FMN1: variants seen among roughly 807,000 people sequenced by gnomAD.
FMN1 encodes formin-1.
In FMN1, 110 loss-of-function variants were observed where a neutral mutation model predicts 132.4. The ratio of observed to expected loss-of-function variants is 0.83; its 90% CI spans 0.71 to 0.97. The LOEUF is 0.97. Among genes scored for constraint, FMN1 ranks in the 50% least tolerant of loss-of-function variants. FMN1 has a pLI of 0.00. For missense variants in FMN1, 1,792 were observed against 1,705.3 expected (o/e 1.05, Z -0.90); for synonymous variants, 722 against 651.7 (o/e 1.11, Z -1.64).
At chr15:33,191,077 G>A (rs1966061312) in intron 2 of FMN1, among the ~76,000 whole-genome samples, 1 of 152,090 alleles carries the variant, frequency 6.6e-6, no homozygotes, top group Non-Finnish European at 1.5e-5. Flanking sequence ...GGCTGAAGCA[G>A]GAGAATGGCG....
intron 16 of FMN1, among the ~76,000 whole-genome samples, chr15:32,882,033 A>C (rs1258366474): frequency 6.6e-6 from 1 of 152,160 alleles, no homozygotes; most frequent in Non-Finnish European, 1.5e-5. Flanking sequence ...GGAGTCAGAG[A>C]AACTGAAAAA....
chr15:32,975,100 C>T (rs946373461), intron 7 of FMN1, among the ~76,000 whole-genome samples: 1 of 152,158 alleles, frequency 6.6e-6, no homozygotes, highest in African/African-American at 2.4e-5. Context: ...TATCCATTTT[C>T]GCCTGGTGAA....
At chr15:32,937,615 G>T (rs566385418) in intron 9 of FMN1, among the ~76,000 whole-genome samples, 2 of 152,190 alleles carry the variant, frequency 1.3e-5, no homozygotes. Flanking sequence ...CATGGATAGA[G>T]AGAGAAGACA....
At chr15:33,048,683 C>CTGAGA (rs1175315882) in intron 6 of FMN1, among the ~76,000 whole-genome samples, 1 of 96,244 alleles carries the variant, frequency 1.0e-5, no homozygotes, top group Non-Finnish European at 2.3e-5. Context: ...TTCCACATGG[C>CTGAGA]TGAGAAGGCC....
At chr15:32,819,763 C>T (rs2058160010) in intron 17 of FMN1, among the ~76,000 whole-genome samples, 1 of 151,928 alleles carries the variant, frequency 6.6e-6, no homozygotes, top group African/African-American at 2.4e-5. Context: ...GAAAAAAAAC[C>T]ACTTCTCATT....
intron 4 of FMN1, among the ~76,000 whole-genome samples, chr15:33,098,315 C>G (rs540963359): frequency 2.8e-4 from 43 of 152,310 alleles, no homozygotes; most frequent in Non-Finnish European, 5.3e-4. Context: ...TCAGGCATAA[C>G]TGATGCATGA....
rs567570193 is a variant in FMN1 at position 32,977,362 on chromosome 15, A to G, written c.2224-7885T>C. On this transcript the variant is annotated intron_variant, in intron 7 of 20. Coordinates refer to ENST00000616417, the MANE Select transcript of FMN1 (RefSeq NM_001277313.2). ...TCAGTATGCCAATACACAAAAAAAG[A>G]TACTTTCTAGTCACAGATGCTTTCC... Among the ~76,000 whole-genome samples, 110 of 152,344 alleles carry G rather than the reference A, an allele frequency of 7.2e-4. 1 individual carries two copies. The highest frequency in any genetic ancestry group is 2.6e-3 in the African/African-American group (109 of 41,572).
At chr15:33,129,959 AT>A (rs1164401299) in intron 4 of FMN1, among the ~76,000 whole-genome samples, 1 of 151,690 alleles carries the variant, frequency 6.6e-6, no homozygotes, top group East Asian at 1.9e-4. Context: ...TGCCCAGCCA[AT>A]TTTTTTTGTA....
At chr15:32,817,243 G>A (rs939190611) in intron 17 of FMN1, among the ~76,000 whole-genome samples, 1 of 152,190 alleles carries the variant, frequency 6.6e-6, no homozygotes, top group South Asian at 2.1e-4. Context: ...AAATAATCAT[G>A]AAATAGCCAT....
chr15:33,107,173 A>G (rs2039519304), intron 4 of FMN1, among the ~76,000 whole-genome samples: 1 of 152,006 alleles, frequency 6.6e-6, no homozygotes, highest in African/African-American at 2.4e-5. Flanking sequence ...CCTAAATTTT[A>G]TAAGCAAGAC....
chr15:32,927,393 AGGTG>A (rs2060988400), intron 9 of FMN1, among the ~76,000 whole-genome samples: 1 of 152,138 alleles, frequency 6.6e-6, no homozygotes, highest in Admixed American at 6.5e-5. Flanking sequence ...CAAGCACTAT[AGGTG>A]CAGGCCACCA....
chr15:33,035,550 G>A (rs2036150982), intron 6 of FMN1, among the ~76,000 whole-genome samples: 1 of 152,038 alleles, frequency 6.6e-6, no homozygotes, highest in South Asian at 2.1e-4. Context: ...TGCACTGGCT[G>A]TTCCCTTTTC....
intron 3 of FMN1, among the ~76,000 whole-genome samples, chr15:33,174,577 C>CA (rs1369958132): frequency 1.2e-4 from 18 of 152,162 alleles, no homozygotes; most frequent in Admixed American, 1.2e-3. Flanking sequence ...AAGTAGACCC[C>CA]AATCATCAAC....
intron 15 of FMN1, among the ~76,000 whole-genome samples, chr15:32,891,427 A>G (rs1360523661): frequency 2.6e-5 from 4 of 152,306 alleles, no homozygotes; most frequent in African/African-American, 9.6e-5. Flanking sequence ...TATTTTTAGT[A>G]GAGACGGGGT....
At chr15:33,186,187 A>C (rs1965879533) in intron 2 of FMN1, among the ~76,000 whole-genome samples, 1 of 151,940 alleles carries the variant, frequency 6.6e-6, no homozygotes, top group Admixed American at 6.6e-5. Context: ...AAAAAAAAAA[A>C]ACCTCTCCTT....
At chr15:32,921,918 C>T (rs928920591) in intron 10 of FMN1, among the ~76,000 whole-genome samples, 7 of 152,146 alleles carry the variant, frequency 4.6e-5, no homozygotes, top group South Asian at 2.1e-4. Flanking sequence ...AGCAATCCAC[C>T]TGCCTTGGCC....
At chr15:32,883,670 C>T (rs1480715564) in intron 16 of FMN1, among the ~76,000 whole-genome samples, 2 of 152,036 alleles carry the variant, frequency 1.3e-5, no homozygotes, top group Non-Finnish European at 2.9e-5. Context: ...CACCAACAAC[C>T]GTGTTGCTAG....
At chr15:33,151,476 C>A in intron 4 of FMN1, 1 of 1,219,796 alleles carries the variant, frequency 8.2e-7, no homozygotes. Context: ...GGCTCACGGT[C>A]AGTCTCCAAC....
Position 32,827,616 on chromosome 15 carries a change from C to T in FMN1, c.3929-23284G>A, listed in dbSNP as rs1035120399. 6.6e-5 allele frequency among the ~76,000 whole-genome samples: 10 copies of T among 151,996 alleles called. No homozygotes were observed. In the South Asian group the frequency reaches 1.0e-3, roughly 16 times the overall value. On this transcript the variant is annotated intron_variant, in intron 17 of 20. Coordinates refer to ENST00000616417, the MANE Select transcript of FMN1 (RefSeq NM_001277313.2). Reference sequence around the variant, plus strand: ...CTGTAATCCCAGCACTCTGGGAGGCCGAGACAGGTGGATCATCAGGTCAGG... The same window carrying T: ...CTGTAATCCCAGCACTCTGGGAGGCTGAGACAGGTGGATCATCAGGTCAGG...
Sources: gnomAD v4.1 joint callset for allele counts (sites outside exome capture counted in the v4.1 genomes callset) on GRCh38, gnomAD v4.1.1 for gene constraint, MANE v1.5 for transcripts, NCBI Gene and HGNC (gene_info 2026-07-23, HGNC 2026-07-21) for gene names.